The following STK3 variants were observed in gnomAD, a reference collection of about 807,000 sequenced individuals.
STK3 encodes the protein serine/threonine-protein kinase 3.
STK3 carries 41 observed loss-of-function variants against 58.0 expected under a neutral mutation model. That is an observed-to-expected ratio of 0.71 (90% confidence interval 0.55 to 0.92). The LOEUF is 0.92. Ranked by LOEUF, STK3 falls within the 40% of genes least tolerant of loss-of-function variation. STK3 has a pLI of 0.00. For missense variants in STK3, 479 were observed against 602.7 expected, an observed-to-expected ratio of 0.79 and a Z score of 2.15; for synonymous variants, 170 against 191.0, an observed-to-expected ratio of 0.89 and a Z score of 0.91.
chr8:98,424,721 G>A (rs1818208881), intron 3 of STK3, among the ~76,000 whole-genome samples: 1 of 152,220 alleles, frequency 6.6e-6, no homozygotes, highest in African/African-American at 2.4e-5. Flanking sequence ...AAGCCCTGGA[G>A]GAATCAAACT....
chr8:98,645,296 G>C (rs1259345940), intron 6 of STK3, among the ~76,000 whole-genome samples: 7 of 152,178 alleles, frequency 4.6e-5, no homozygotes, highest in Non-Finnish European at 8.8e-5. Flanking sequence ...ACTCAGTAGA[G>C]TCCTTAAACA....
intron 3 of STK3, among the ~76,000 whole-genome samples, chr8:98,751,484 G>A (rs943930417): frequency 2.6e-5 from 4 of 152,050 alleles, no homozygotes. Context: ...GAGCCAAATC[G>A]GGAACTAACT....
intron 6 of STK3, among the ~76,000 whole-genome samples, chr8:98,625,851 C>CTACA (rs981010721): frequency 1.3e-5 from 2 of 152,172 alleles, no homozygotes; most frequent in Non-Finnish European, 2.9e-5. Context: ...TGCTAGACTG[C>CTACA]TACACTTAAG....
chr8:98,693,861 G>A (rs1238984191), intron 6 of STK3, among the ~76,000 whole-genome samples: 1 of 135,220 alleles, frequency 7.4e-6, no homozygotes. Context: ...TATTAATTGA[G>A]CAGGAAAGGA....
the STK3 span, among the ~76,000 whole-genome samples, chr8:98,361,942 A>G: frequency 6.6e-6 from 1 of 152,104 alleles, no homozygotes; most frequent in Non-Finnish European, 1.5e-5. Flanking sequence ...GGGTTTGGTG[A>G]TCTCAGCTGA....
chr8:98,879,699 C>T (rs1564079171), downstream of STK3: 1 of 151,966 alleles, frequency 6.6e-6, no homozygotes, highest in Non-Finnish European at 1.5e-5. Flanking sequence ...TGTGCAATAA[C>T]TTTGTTTTTC....
At chr8:98,825,800 CCCGCCCCGCCCCCGG>C (rs1835246787), upstream of STK3, 3 of 65,314 alleles carry the variant, frequency 4.6e-5, no homozygotes, top group African/African-American at 1.1e-4. Context: ...CCCCGGCCGC[CCCGCCCCGCCCCCGG>C]CCGCCCCGCC....
At chr8:98,681,267 G>C (rs1823623415) in intron 6 of STK3, among the ~76,000 whole-genome samples, 1 of 151,848 alleles carries the variant, frequency 6.6e-6, no homozygotes, top group Admixed American at 6.6e-5. Flanking sequence ...AAAGTGCTGG[G>C]ATTACAGGCG....
intron 6 of STK3, among the ~76,000 whole-genome samples, chr8:98,612,176 C>T (rs947993527): frequency 4.7e-5 from 7 of 150,464 alleles, no homozygotes; most frequent in Non-Finnish European, 8.9e-5. Context: ...GTAACTTCTG[C>T]TTCTAGGAAG....
intron 2 of STK3, among the ~76,000 whole-genome samples, chr8:98,435,025 A>G (rs1173423722): frequency 3.3e-5 from 5 of 152,204 alleles, no homozygotes; most frequent in Non-Finnish European, 7.3e-5. Flanking sequence ...ACTGCTCTCC[A>G]CCTGGACTGG....
At position 98,415,201 on chromosome 8, in the gene STK3, G is replaced by T. The variant is rs371481498; in HGVS notation, n.484-13688C>A. On this transcript the variant is annotated intron_variant and non_coding_transcript_variant, in intron 3 of 3. Transcript: ENST00000517832. ...ATCTTGGAAACAGACAGCAGCCCTC[G>T]CCAGACACCAGTCCTGCCAGAATCT... 2.3e-3 allele frequency among the ~76,000 whole-genome samples: 349 copies of T among 152,250 alleles called. 1 individual carries two copies. The highest frequency in any genetic ancestry group is 0.017 in the Middle Eastern group (5 of 294).
rs187663286 is a variant in STK3 at position 98,646,389 on chromosome 8, T to C, written c.685-50220A>G. ...ATTTGTAATATTAATAACCCACTTA[T>C]CTATTCAATTGTTTAATTGTATTTT... On this transcript the variant is annotated intron_variant, in intron 6 of 10. Transcript: ENST00000419617. Among the ~76,000 whole-genome samples, 1,520 of 152,336 alleles carry C rather than the reference T, an allele frequency of 1.0e-2. 10 individuals carry two copies. The highest frequency in any genetic ancestry group is 0.016 in the Non-Finnish European group (1,064 of 68,032).
chr8:98,579,515 A>T, intron 8 of STK3, 149 bp downstream of exon 8: 1 of 985,154 alleles, frequency 1.0e-6, no homozygotes, highest in Non-Finnish European at 1.4e-6. Flanking sequence ...TAGCAAACAT[A>T]TAAGGCAAAC....
In STK3 at chr8:98,526,883, A is replaced by C; in HGVS notation, c.1176T>G (p.Ser392=). ...NATSPQVQRP[S]FMDYFDKQDF... is the part of the protein sequence containing the mutation. The stretch of plus-strand genomic sequence containing the variant: ...CTTGCTTATCAAAGTAGTCCATGAA[A>C]GATGGTCTTTGTACTTGTGGTGAGG... Residue 392 remains serine (S), a synonymous_variant, in exon 10 of 11, where the codon TCT becomes TCG. Transcript: ENST00000419617. The C allele has an allele frequency of 6.3e-7, 1 of 1,594,912 alleles. No homozygotes were observed. Among genetic ancestry groups the C allele is most frequent in the South Asian group, 1.1e-5 (1 of 87,864 alleles).
chr8:98,596,284 T>C lies in STK3; in HGVS notation c.685-115A>G. ...CTAAATTTGAAAAACAAATTTAAGCTGTTCTAGGATTTCTAGTAACACTGA... is the reference window on the plus strand; with the variant it reads ...CTAAATTTGAAAAACAAATTTAAGCCGTTCTAGGATTTCTAGTAACACTGA... On this transcript the variant is annotated intron_variant, in intron 6 of 10. Transcript: ENST00000419617. 3 of 1,247,958 alleles carry C rather than the reference T, an allele frequency of 2.4e-6. No homozygotes were observed. In the Admixed American group the frequency reaches 8.2e-5, roughly 34 times the overall value. The allele number at this position is 1,247,958 out of a possible 1,614,324, so 77.3% of individuals were successfully genotyped here. A position where few individuals can be genotyped will look rare whatever the true frequency, so the allele number is the denominator to read the frequency against.
chr8:98,660,133 A>G (rs185695916), intron 6 of STK3, among the ~76,000 whole-genome samples: 1 of 152,214 alleles, frequency 6.6e-6, no homozygotes, highest in East Asian at 1.9e-4. Context: ...ATGAAGCTTA[A>G]GGACATTATG....
chr8:98,382,708 T>G (rs571484186), intron 1 of STK3, among the ~76,000 whole-genome samples: 1 of 152,246 alleles, frequency 6.6e-6, no homozygotes, highest in Non-Finnish European at 1.5e-5. Flanking sequence ...GAAAGCGGCC[T>G]GACAGCTCAT....
downstream of STK3, among the ~76,000 whole-genome samples, chr8:98,397,100 C>T (rs747371652): frequency 1.3e-5 from 2 of 152,170 alleles, no homozygotes; most frequent in African/African-American, 2.4e-5. Flanking sequence ...AGAATCTGAA[C>T]GTTACCCTTA....
chr8:98,489,223 G>T (rs1253234462), intron 10 of STK3, among the ~76,000 whole-genome samples: 1 of 151,250 alleles, frequency 6.6e-6, no homozygotes, highest in Non-Finnish European at 1.5e-5. Flanking sequence ...CATGGAACTA[G>T]AGTTAAAAAA....
Sources: gnomAD v4.1 joint callset for allele counts (sites outside exome capture counted in the v4.1 genomes callset) on GRCh38, gnomAD v4.1.1 for gene constraint, MANE v1.5 for transcripts, NCBI Gene and HGNC (gene_info 2026-07-23, HGNC 2026-07-21) for gene names.